Variants in COL14A1 observed in about 807,000 individuals in gnomAD.
COL14A1 encodes the protein collagen alpha-1(XIV) chain.
In COL14A1, 136 loss-of-function variants were observed where a neutral mutation model predicts 230.3. The ratio of observed to expected loss-of-function variants is 0.59; its 90% CI spans 0.51 to 0.68. COL14A1 has a LOEUF of 0.68. COL14A1 is among the 30% of genes least tolerant of loss of function. COL14A1 has a pLI of 0.00. For missense variants in COL14A1, 1,976 were observed against 2,215.8 expected, an observed-to-expected ratio of 0.89 and a Z score of 2.17; for synonymous variants, 792 against 784.1, an observed-to-expected ratio of 1.01 and a Z score of -0.17.
Position 120,145,618 on chromosome 8 carries a change from A to AAAAC in COL14A1, c.-37-2165_-37-2162dup, listed in dbSNP as rs555834460. Among the ~76,000 whole-genome samples, 361 of 152,282 alleles carry AAAAC rather than the reference A, an allele frequency of 2.4e-3. 1 individual carries two copies. The highest frequency in any genetic ancestry group is 3.7e-3 in the Non-Finnish European group (251 of 68,018). On this transcript the variant is annotated intron_variant, in intron 1 of 47. Coordinates refer to ENST00000297848, the MANE Select transcript of COL14A1 (RefSeq NM_021110.4). The stretch of plus-strand genomic sequence containing the variant: ...GGGGACAAGAGTGAGACTCTGTCTC[A>AAAAC]AAACAAACAAACAAACAAACAAACA...
At chr8:120,336,957 G>A (rs1187048069) in intron 42 of COL14A1, among the ~76,000 whole-genome samples, 1 of 152,118 alleles carries the variant, frequency 6.6e-6, no homozygotes, top group African/African-American at 2.4e-5. Context: ...GTTAGGTACT[G>A]CATTTCAACT....
At chr8:120,216,226 T>C (rs747447738) in intron 13 of COL14A1, 125 bp from the exon 14 acceptor site, 9 of 708,594 alleles carry the variant, frequency 1.3e-5, no homozygotes, top group Non-Finnish European at 2.0e-5. Context: ...GTTATTTCAG[T>C]GTTATAAGTT....
chr8:120,224,763 G>T (rs569090945), intron 14 of COL14A1, among the ~76,000 whole-genome samples: 3 of 152,180 alleles, frequency 2.0e-5, no homozygotes, highest in African/African-American at 7.2e-5. Flanking sequence ...GAGAGCCCAC[G>T]CAGTGAAGCA....
At chr8:120,198,802 T>C (rs1413097269) in intron 7 of COL14A1, among the ~76,000 whole-genome samples, 1 of 152,222 alleles carries the variant, frequency 6.6e-6, no homozygotes, top group Non-Finnish European at 1.5e-5. Flanking sequence ...GGTAAACCAG[T>C]AGAATCCTGA....
chr8:120,291,515 G>A (rs772658853), intron 34 of COL14A1, among the ~76,000 whole-genome samples: 60 of 137,926 alleles, frequency 4.4e-4, no homozygotes, highest in Middle Eastern at 8.5e-3. Context: ...AACCAAGATC[G>A]CGCCACTGCA....
At chr8:120,311,387 A>G (rs1335069340) in intron 37 of COL14A1, among the ~76,000 whole-genome samples, 1 of 152,164 alleles carries the variant, frequency 6.6e-6, no homozygotes, top group East Asian at 1.9e-4. Flanking sequence ...TGATCACTGG[A>G]TGATCGTTCT....
At chr8:120,265,488 A>T (rs1221483409) in intron 24 of COL14A1, among the ~76,000 whole-genome samples, 1 of 152,060 alleles carries the variant, frequency 6.6e-6, no homozygotes, top group African/African-American at 2.4e-5. Context: ...ATATATATCC[A>T]TAATAGTAAA....
chr8:120,363,769 G>A (rs1424124747), intron 45 of COL14A1, among the ~76,000 whole-genome samples: 2 of 152,160 alleles, frequency 1.3e-5, no homozygotes, highest in Non-Finnish European at 2.9e-5. Context: ...ATGAGAATAG[G>A]TAATGCAGTG....
At chr8:120,361,223 G>A (rs1823200533) in intron 45 of COL14A1, among the ~76,000 whole-genome samples, 1 of 152,136 alleles carries the variant, frequency 6.6e-6, no homozygotes, top group Admixed American at 6.5e-5. Flanking sequence ...GAAAGATCTA[G>A]AGTGGTTTGT....
At chr8:120,283,595 A>C in intron 31 of COL14A1, 41 bp from the exon 32 acceptor site, 1 of 1,548,516 alleles carries the variant, frequency 6.5e-7, no homozygotes, top group Non-Finnish European at 8.7e-7. Context: ...AACTTTTTTG[A>C]GGAAGGATAC....
Position 120,360,928 on chromosome 8 carries a change from G to T in COL14A1, c.5078-6243G>T, listed in dbSNP as rs111791267. On this transcript the variant is annotated intron_variant, in intron 45 of 47. Transcript: ENST00000297848. The stretch of plus-strand genomic sequence containing the variant: ...AGGAAGATTGGAGGGTACAAAGAAG[G>T]GCAAACCCCACCCCTGCCTCCTCTG... Among the ~76,000 whole-genome samples the T allele has an allele frequency of 5.4e-3, 829 of 152,138 alleles. 6 individuals are homozygous for T. Among genetic ancestry groups the T allele is most frequent in the African/African-American group, 0.019 (794 of 41,490 alleles).
chr8:120,229,461 A>G (rs1172600886), intron 18 of COL14A1, among the ~76,000 whole-genome samples: 2 of 152,082 alleles, frequency 1.3e-5, no homozygotes, highest in South Asian at 2.1e-4. Context: ...TTATGGCTGC[A>G]TAGTATTCCA....
At chr8:120,132,432 C>T (rs533641031) in intron 1 of COL14A1, among the ~76,000 whole-genome samples, 3 of 152,208 alleles carry the variant, frequency 2.0e-5, no homozygotes, top group Admixed American at 2.0e-4. Flanking sequence ...GTTTTTGTAC[C>T]AGTACCATGC....
chr8:120,347,697 A>T (rs566833390), intron 45 of COL14A1, among the ~76,000 whole-genome samples: 3 of 152,232 alleles, frequency 2.0e-5, no homozygotes, highest in Non-Finnish European at 2.9e-5. Context: ...AAGGAAGCAT[A>T]TGAAGATATT....
intron 34 of COL14A1, among the ~76,000 whole-genome samples, chr8:120,290,747 G>A (rs1487110818): frequency 6.6e-6 from 1 of 152,172 alleles, no homozygotes; most frequent in African/African-American, 2.4e-5. Context: ...TTAGTACACA[G>A]GAAATAGTCC....
chr8:120,159,963 A>G (rs1563642331), intron 3 of COL14A1, among the ~76,000 whole-genome samples: 1 of 152,186 alleles, frequency 6.6e-6, no homozygotes, highest in Non-Finnish European at 1.5e-5. Flanking sequence ...AAGTGCTGGG[A>G]TTACAGGTGT....
chr8:120,278,105 C>A lies in COL14A1; in HGVS notation c.3214-6C>A. ...GTGTGAAAATGAATACACCTTCTCT[C>A]TCCAGGTTGCAATGGTTCAGTTCAC... On this transcript the variant is annotated splice_polypyrimidine_tract_variant and splice_region_variant and intron_variant, in intron 26 of 47. Coordinates refer to ENST00000297848, the MANE Select transcript of COL14A1 (RefSeq NM_021110.4). 1 of 1,600,232 alleles carries A rather than the reference C, an allele frequency of 6.2e-7. No individual in the cohort carries two copies. The highest frequency in any genetic ancestry group is 1.1e-5 in the South Asian group (1 of 88,478).
chr8:120,286,005 C>G, intron 33 of COL14A1, 35 bp downstream of exon 33: 6 of 1,176,312 alleles, frequency 5.1e-6, no homozygotes, highest in South Asian at 5.0e-5. Context: ...ATTCTTTATT[C>G]TATTTGCTAT....
At position 120,125,327 on chromosome 8, in the gene COL14A1, C is replaced by T. The variant is rs1402555874; in HGVS notation, c.-51C>T. ...GAGAGCTCCCAACCTGGGCTGGAAC[C>T]TTGCCCAGCACAGGTCAGTTCGTCT... is the stretch of plus-strand genomic sequence containing the variant. On this transcript the variant is annotated 5_prime_UTR_variant, in exon 1 of 48. Transcript: ENST00000297848. 6.6e-6 allele frequency: 1 copy of T among 152,350 alleles called. No homozygotes were observed. Among genetic ancestry groups the T allele is most frequent in the Non-Finnish European group, 1.5e-5 (1 of 68,116 alleles). 9.4% of individuals were successfully genotyped at this position (152,350 alleles called of 1,614,324 possible).
Sources: allele counts gnomAD v4.1 joint callset (sites outside exome capture counted in the v4.1 genomes callset), GRCh38; gene constraint gnomAD v4.1.1; transcripts MANE v1.5; gene names NCBI Gene and HGNC (gene_info 2026-07-23, HGNC 2026-07-21).